FAM193A: variants seen among roughly 807,000 people sequenced by gnomAD.
The protein encoded by FAM193A is protein FAM193A.
Under a neutral mutation model 126.5 loss-of-function variants are expected in FAM193A, and 22 were observed. The ratio of observed to expected loss-of-function variants is 0.17; its 90% CI spans 0.12 to 0.25. FAM193A has a LOEUF of 0.25. Ranked by LOEUF, FAM193A falls within the 10% of genes least tolerant of loss-of-function variation. FAM193A has a pLI of 1.00. For synonymous variants in FAM193A, 761 were observed against 646.8 expected, an observed-to-expected ratio of 1.18 and a Z score of -2.68; for missense variants, 1,675 against 1,672.8, an observed-to-expected ratio of 1.00 and a Z score of -0.02.
At chr4:2,667,567 T>A (rs1713263663) in intron 12 of FAM193A, among the ~76,000 whole-genome samples, 1 of 152,250 alleles carries the variant, frequency 6.6e-6, no homozygotes, top group South Asian at 2.1e-4. Flanking sequence ...AATGTTTGAC[T>A]ACTGGTGTTT....
At chr4:2,578,074 T>A (rs1739709980) in intron 1 of FAM193A, among the ~76,000 whole-genome samples, 4 of 152,212 alleles carry the variant, frequency 2.6e-5, no homozygotes, top group South Asian at 4.1e-4. Context: ...ATTTATTACT[T>A]CTTCTGTTTT....
intron 2 of FAM193A, chr4:2,607,923 G>C (rs972786877): frequency 2.5e-6 from 3 of 1,195,924 alleles, no homozygotes; most frequent in Non-Finnish European, 3.5e-6. Context: ...CTATGTGATG[G>C]TGTCGCTTTA....
At chr4:2,657,507 G>C (rs1711854605) in intron 7 of FAM193A, among the ~76,000 whole-genome samples, 1 of 152,198 alleles carries the variant, frequency 6.6e-6, no homozygotes, top group South Asian at 2.1e-4. Context: ...TGGGCATTCA[G>C]TAAATAGTGA....
At chr4:2,563,471 G>A (rs565591110) in intron 1 of FAM193A, among the ~76,000 whole-genome samples, 4 of 151,694 alleles carry the variant, frequency 2.6e-5, no homozygotes, top group South Asian at 2.1e-4. Flanking sequence ...TTGGGAGGCC[G>A]AGGTGGGAGG....
intron 20 of FAM193A, among the ~76,000 whole-genome samples, chr4:2,726,945 C>T (rs1577286439): frequency 9.3e-6 from 1 of 107,020 alleles, no homozygotes; most frequent in East Asian, 2.6e-4. Flanking sequence ...AGCAAAACTC[C>T]GTCCCAAAAA....
At chr4:2,646,239 G>A (rs1254378161) in intron 6 of FAM193A, among the ~76,000 whole-genome samples, 2 of 134,298 alleles carry the variant, frequency 1.5e-5, no homozygotes, top group Non-Finnish European at 3.1e-5. Flanking sequence ...GTGTGATTTC[G>A]GCTCACTGCA....
chr4:2,724,226 A>G (rs1720482892), intron 20 of FAM193A, among the ~76,000 whole-genome samples: 1 of 152,170 alleles, frequency 6.6e-6, no homozygotes, highest in African/African-American at 2.4e-5. Flanking sequence ...TAAATCTTTT[A>G]TAACCTCTTA....
At chr4:2,546,078 G>A (rs1288395192) in intron 1 of FAM193A, among the ~76,000 whole-genome samples, 1 of 151,890 alleles carries the variant, frequency 6.6e-6, no homozygotes, top group Non-Finnish European at 1.5e-5. Context: ...AACCCAGGAA[G>A]CAGAGGTTGC....
intron 7 of FAM193A, among the ~76,000 whole-genome samples, chr4:2,655,451 G>GTGTA (rs1336274845): frequency 1.3e-5 from 2 of 151,918 alleles, no homozygotes; most frequent in African/African-American, 4.8e-5. Context: ...GTGCGCCTGT[G>GTGTA]TGTGTGTGTG....
chr4:2,694,842 CTT>C, intron 16 of FAM193A, 102 bp from the exon 17 acceptor site: 1 of 1,005,294 alleles, frequency 9.9e-7, no homozygotes, highest in Non-Finnish European at 1.4e-6. Context: ...TGCGCTGCCT[CTT>C]GTCTGTGAAA....
intron 1 of FAM193A, among the ~76,000 whole-genome samples, chr4:2,546,837 A>G (rs1287268639): frequency 2.0e-5 from 3 of 152,204 alleles, no homozygotes; most frequent in African/African-American, 7.2e-5. Context: ...CTGAACTGTT[A>G]TCCAGAGTGG....
chr4:2,704,571 A>T (rs1718097819), intron 19 of FAM193A, among the ~76,000 whole-genome samples: 1 of 152,150 alleles, frequency 6.6e-6, no homozygotes, highest in African/African-American at 2.4e-5. Flanking sequence ...TCTGAAAAAA[A>T]AATAAAATAA....
At chr4:2,712,843 C>T (rs1014210045) in intron 19 of FAM193A, among the ~76,000 whole-genome samples, 1 of 151,920 alleles carries the variant, frequency 6.6e-6, no homozygotes, top group African/African-American at 2.4e-5. Context: ...TGGCTCATGC[C>T]TGTAATCCCA....
chr4:2,601,678 C>G (rs1305287179), intron 2 of FAM193A, among the ~76,000 whole-genome samples: 2 of 150,610 alleles, frequency 1.3e-5, no homozygotes, highest in African/African-American at 4.9e-5. Flanking sequence ...TGCTTGAGGC[C>G]AGGAGTTCAA....
intron 1 of FAM193A, among the ~76,000 whole-genome samples, chr4:2,574,836 T>G (rs1425348295): frequency 2.0e-5 from 3 of 152,136 alleles, no homozygotes; most frequent in Admixed American, 1.3e-4. Flanking sequence ...AAAACAACAT[T>G]AAGTCATTAA....
chr4:2,536,186 G>A (rs1355794290), upstream of FAM193A, among the ~76,000 whole-genome samples: 1 of 151,118 alleles, frequency 6.6e-6, no homozygotes, highest in African/African-American at 2.4e-5. Context: ...CGGGCGGGCA[G>A]CGGACACCGG....
chr4:2,556,277 C>T (rs1738255435), intron 1 of FAM193A, among the ~76,000 whole-genome samples: 2 of 151,950 alleles, frequency 1.3e-5, no homozygotes, highest in Admixed American at 1.3e-4. Context: ...GCGATCTCGG[C>T]TCGCTGCAAC....
intron 1 of FAM193A, among the ~76,000 whole-genome samples, chr4:2,541,983 T>C (rs1455359619): frequency 6.6e-5 from 10 of 151,776 alleles, no homozygotes; most frequent in African/African-American, 2.4e-4. Flanking sequence ...CCCGAGTAGC[T>C]GAGACTACAG....
intron 1 of FAM193A, among the ~76,000 whole-genome samples, chr4:2,548,881 AT>A (rs952986345): frequency 2.0e-5 from 3 of 151,122 alleles, no homozygotes; most frequent in Admixed American, 6.6e-5. Context: ...GGTTATGAAG[AT>A]TTTTTTCCTT....
Sources: gnomAD v4.1 joint callset for allele counts (sites outside exome capture counted in the v4.1 genomes callset) on GRCh38, gnomAD v4.1.1 for gene constraint, MANE v1.5 for transcripts, NCBI Gene and HGNC (gene_info 2026-07-23, HGNC 2026-07-21) for gene names.